Variants in MYLK observed in about 807,000 individuals in gnomAD.
MYLK encodes the protein myosin light chain kinase.
Under a neutral mutation model 203.4 loss-of-function variants are expected in MYLK, and 106 were observed. The ratio of observed to expected loss-of-function variants is 0.52; its 90% CI spans 0.45 to 0.61. The LOEUF (loss-of-function observed/expected upper bound fraction) is 0.61, where lower values mean the gene tolerates loss of function less well. MYLK is among the 20% of genes least tolerant of loss of function. The probability of loss-of-function intolerance (pLI) is 0.00; values close to 1 mark genes in which losing one functional copy is unlikely to be tolerated. For missense variants in MYLK, 2,072 were observed against 2,442.3 expected (o/e 0.85, Z 3.20); for synonymous variants, 867 against 959.5 (o/e 0.90, Z 1.78).
intron 4 of MYLK, among the ~76,000 whole-genome samples, chr3:123,789,572 C>G (rs1576982564): frequency 6.7e-6 from 1 of 148,546 alleles, no homozygotes; most frequent in East Asian, 2.0e-4. Flanking sequence ...GAAGAGGGAT[C>G]TGGTTGCCTG....
intron 2 of MYLK, among the ~76,000 whole-genome samples, chr3:123,833,892 G>A (rs190869150): frequency 6.6e-6 from 1 of 152,088 alleles, no homozygotes; most frequent in African/African-American, 2.4e-5. Context: ...CAGGTAACAG[G>A]GCCCTCCAGT....
Position 123,613,693 on chromosome 3 carries a change from A to C in MYLK, c.*412T>G. On this transcript the variant is annotated 3_prime_UTR_variant, in exon 34 of 34. Transcript: ENST00000360304. ...CTCTAGAGTCAGGGGGTGGGGAGAG[A>C]GAGGCCTCCCATCCCCAGGAACCCT... 8.7e-6 allele frequency: 2 copies of C among 229,026 alleles called. No individual in the cohort carries two copies. The highest frequency in any genetic ancestry group is 1.7e-5 in the Non-Finnish European group (2 of 115,156). 14.2% of individuals were successfully genotyped at this position (229,026 alleles called of 1,614,324 possible).
chr3:123,823,375 G>A (rs1344817092), intron 3 of MYLK, among the ~76,000 whole-genome samples: 1 of 152,036 alleles, frequency 6.6e-6, no homozygotes, highest in East Asian at 1.9e-4. Context: ...AGACATACAG[G>A]ACCTCTCCAT....
chr3:123,776,688 A>G (rs1194364918), intron 4 of MYLK, among the ~76,000 whole-genome samples: 1 of 152,254 alleles, frequency 6.6e-6, no homozygotes, highest in African/African-American at 2.4e-5. Context: ...GTTATGACTA[A>G]AAGTTACTGA....
chr3:123,614,027 A>C lies in MYLK; in HGVS notation c.*78T>G. The stretch of plus-strand genomic sequence containing the variant: ...CACACTAGGTGCTTTTACTATCTTG[A>C]GTTTTTTTTTTTTTTTTGAGTTTTA... On this transcript the variant is annotated 3_prime_UTR_variant, in exon 34 of 34. Coordinates refer to ENST00000360304, the MANE Select transcript of MYLK (RefSeq NM_053025.4). The C allele has an allele frequency of 6.7e-6, 8 of 1,186,554 alleles. No individual in the cohort carries two copies. Among genetic ancestry groups the C allele is most frequent in the Non-Finnish European group, 9.7e-6 (8 of 827,208 alleles). The allele number at this position is 1,186,554 out of a possible 1,614,324, so 73.5% of individuals were successfully genotyped here.
intron 4 of MYLK, among the ~76,000 whole-genome samples, chr3:123,754,088 C>T (rs2063290356): frequency 6.6e-6 from 1 of 152,226 alleles, no homozygotes; most frequent in African/African-American, 2.4e-5. Context: ...GAGGAAAGAG[C>T]TATGCTAAAA....
chr3:123,735,812 AC>A (rs1280990821), intron 8 of MYLK: 5 of 186,544 alleles, frequency 2.7e-5, no homozygotes, highest in African/African-American at 1.2e-4. Flanking sequence ...AACATAAAAT[AC>A]ATATTTTTCC....
intron 20 of MYLK, among the ~76,000 whole-genome samples, chr3:123,676,331 C>A (rs993129196): frequency 6.6e-6 from 1 of 152,212 alleles, no homozygotes; most frequent in African/African-American, 2.4e-5. Flanking sequence ...GCCTCTCTCC[C>A]AGGGCCCCAC....
chr3:123,860,826 T>G (rs2031825887), intron 2 of MYLK, among the ~76,000 whole-genome samples: 1 of 152,240 alleles, frequency 6.6e-6, no homozygotes, highest in South Asian at 2.1e-4. Flanking sequence ...GGGCCATATT[T>G]AGGTAAAAAC....
chr3:123,709,852 C>A lies in MYLK; in HGVS notation c.1846G>T (p.Ala616Ser), dbSNP rs773339888. ...SRKSEYLLPV[A>S]PSKPTAPIFL... The stretch of plus-strand genomic sequence containing the variant: ...ATGGGTGCAGTGGGCTTGCTGGGAG[C>A]CACAGGCAGAAGGTACTCACTCTTC... The change falls in exon 14 of 34, where the codon GCT (alanine) becomes TCT (serine). Residue 616 changes from alanine (A) to serine (S), a missense_variant. Ala to Ser is a moderately conservative substitution (Grantham distance 99, BLOSUM62 1). Transcript: ENST00000360304. 6.2e-7 allele frequency: 1 copy of A among 1,614,134 alleles called. No homozygotes were observed. Among genetic ancestry groups the A allele is most frequent in the Non-Finnish European group, 8.5e-7 (1 of 1,180,034 alleles).
intron 4 of MYLK, among the ~76,000 whole-genome samples, chr3:123,760,610 T>C (rs1377622676): frequency 6.6e-6 from 1 of 152,164 alleles, no homozygotes; most frequent in Non-Finnish European, 1.5e-5. Flanking sequence ...CTAAACTCCA[T>C]TTCACTCCCA....
intron 3 of MYLK, among the ~76,000 whole-genome samples, chr3:123,824,733 A>G (rs2066054640): frequency 6.6e-6 from 1 of 152,212 alleles, no homozygotes; most frequent in African/African-American, 2.4e-5. Context: ...AAATACATGT[A>G]CTTTCATTAA....
intron 2 of MYLK, among the ~76,000 whole-genome samples, chr3:123,868,494 G>T (rs1479255240): frequency 1.3e-5 from 2 of 152,112 alleles, no homozygotes; most frequent in Non-Finnish European, 2.9e-5. Flanking sequence ...ACTTTGCTTG[G>T]ATTCTCTCAT....
intron 2 of MYLK, among the ~76,000 whole-genome samples, chr3:123,840,415 GTCTCTC>G (rs142347556): frequency 6.7e-6 from 1 of 148,290 alleles, no homozygotes; most frequent in African/African-American, 2.5e-5. Context: ...TATAGAACAA[GTCTCTC>G]TCTCTATATA....
chr3:123,719,431 C>A (rs1417847718), intron 13 of MYLK, among the ~76,000 whole-genome samples: 1 of 152,184 alleles, frequency 6.6e-6, no homozygotes, highest in East Asian at 1.9e-4. Flanking sequence ...TTTGGGAAAA[C>A]CCCTCCTCAG....
At chr3:123,826,671 C>T (rs968646669) in intron 3 of MYLK, among the ~76,000 whole-genome samples, 1 of 152,162 alleles carries the variant, frequency 6.6e-6, no homozygotes, top group South Asian at 2.1e-4. Flanking sequence ...CAAGCTAGAC[C>T]CAAATTTGGT....
At chr3:123,652,098 T>A (rs867041034) in intron 24 of MYLK, among the ~76,000 whole-genome samples, 1 of 152,118 alleles carries the variant, frequency 6.6e-6, no homozygotes, top group Non-Finnish European at 1.5e-5. Flanking sequence ...AAGAGAAAGA[T>A]TCCAGGCTGC....
chr3:123,751,206 C>G (rs921822743), intron 5 of MYLK, among the ~76,000 whole-genome samples: 1 of 152,220 alleles, frequency 6.6e-6, no homozygotes, highest in African/African-American at 2.4e-5. Context: ...GAGGGGCTGA[C>G]AGACCCCATG....
chr3:123,661,032 T>C (rs1302322995), intron 23 of MYLK, among the ~76,000 whole-genome samples: 1 of 152,214 alleles, frequency 6.6e-6, no homozygotes. Context: ...AAAGCCTCGG[T>C]TCTCCTCCAT....
Sources: allele counts gnomAD v4.1 joint callset (sites outside exome capture counted in the v4.1 genomes callset), GRCh38; gene constraint gnomAD v4.1.1; transcripts MANE v1.5; gene names NCBI Gene and HGNC (gene_info 2026-07-23, HGNC 2026-07-21).